Variants in CDH20 observed in about 807,000 individuals in gnomAD.
CDH20 encodes the protein cadherin 20.
CDH20 carries 29 observed loss-of-function variants against 74.2 expected under a neutral mutation model. The observed-to-expected ratio is 0.39, with a 90% CI of 0.29 to 0.53. CDH20 has a LOEUF of 0.53. Among genes scored for constraint, CDH20 ranks in the 20% least tolerant of loss-of-function variants. The probability of loss-of-function intolerance (pLI) is 0.69; values close to 1 mark genes in which losing one functional copy is unlikely to be tolerated. For missense variants in CDH20, 988 were observed against 1,048.3 expected (o/e 0.94, Z 0.79); for synonymous variants, 469 against 405.4 (o/e 1.16, Z -1.88).
chr18:61,540,445 G>T (rs1220102741), intron 9 of CDH20, among the ~76,000 whole-genome samples: 1 of 152,114 alleles, frequency 6.6e-6, no homozygotes, highest in East Asian at 1.9e-4. Flanking sequence ...CCACGTGGCT[G>T]GGGAGGCCTC....
chr18:61,422,658 T>C (rs1020985292), intron 1 of CDH20, among the ~76,000 whole-genome samples: 3 of 151,942 alleles, frequency 2.0e-5, no homozygotes, highest in Non-Finnish European at 2.9e-5. Flanking sequence ...AAGATTATCA[T>C]ACTGTGAGCT....
chr18:61,543,480 C>T (rs1349676133), intron 9 of CDH20, among the ~76,000 whole-genome samples: 2 of 152,162 alleles, frequency 1.3e-5, no homozygotes, highest in African/African-American at 2.4e-5. Context: ...CTGTTCCAGT[C>T]GTCTGTTTCA....
intron 1 of CDH20, among the ~76,000 whole-genome samples, chr18:61,341,355 T>A (rs1909942056): frequency 2.0e-5 from 3 of 152,102 alleles, no homozygotes; most frequent in South Asian, 2.1e-4. Context: ...GGGTCCCCCT[T>A]TTTTTAAGGG....
chr18:61,347,324 A>ATATATG (rs1910157421), intron 1 of CDH20, among the ~76,000 whole-genome samples: 2 of 51,978 alleles, frequency 3.8e-5, no homozygotes, highest in African/African-American at 1.6e-4. Context: ...ATATATACAC[A>ATATATG]CACACACACA....
intron 1 of CDH20, among the ~76,000 whole-genome samples, chr18:61,482,686 G>A (rs1286713660): frequency 1.3e-5 from 2 of 151,824 alleles, no homozygotes; most frequent in African/African-American, 4.8e-5. Flanking sequence ...ATAGAGACGG[G>A]GTCTTGCCCT....
intron 6 of CDH20, among the ~76,000 whole-genome samples, chr18:61,516,339 TCTGA>T (rs1912003558): frequency 1.3e-5 from 2 of 152,316 alleles, no homozygotes; most frequent in Non-Finnish European, 2.9e-5. Context: ...GGAATAAAAA[TCTGA>T]CTAAGTCATA....
At chr18:61,407,011 G>A (rs552771593) in intron 1 of CDH20, among the ~76,000 whole-genome samples, 7 of 152,258 alleles carry the variant, frequency 4.6e-5, no homozygotes, top group Admixed American at 2.0e-4. Context: ...TTACCATGTG[G>A]TACATACTTG....
intron 1 of CDH20, among the ~76,000 whole-genome samples, chr18:61,404,496 T>C (rs1912259548): frequency 6.6e-6 from 1 of 152,058 alleles, no homozygotes; most frequent in Non-Finnish European, 1.5e-5. Flanking sequence ...CATATAGAAA[T>C]CCAGAGTAGA....
In CDH20 at chr18:61,380,796, C is replaced by T. The variant is rs142009630; in HGVS notation, c.-153+46969C>T. 2.3e-3 allele frequency among the ~76,000 whole-genome samples: 346 copies of T among 151,814 alleles called. 4 individuals are homozygous for T. Among genetic ancestry groups the T allele is most frequent in the African/African-American group, 8.0e-3 (333 of 41,386 alleles). On this transcript the variant is annotated intron_variant, in intron 1 of 11. Transcript: ENST00000262717. Reference sequence around the variant, plus strand: ...TGCACTCCAGCCTGGACAACAAGAGCGACACTCCATCTCAAAACAAAACAA... The same window carrying T: ...TGCACTCCAGCCTGGACAACAAGAGTGACACTCCATCTCAAAACAAAACAA...
chr18:61,380,286 A>T (rs1202070560), intron 1 of CDH20, among the ~76,000 whole-genome samples: 1 of 152,192 alleles, frequency 6.6e-6, no homozygotes, highest in Non-Finnish European at 1.5e-5. Flanking sequence ...AACCATGGCA[A>T]TTTCCTGCAT....
At chr18:61,390,433 A>T (rs1490911151) in intron 1 of CDH20, among the ~76,000 whole-genome samples, 1 of 152,228 alleles carries the variant, frequency 6.6e-6, no homozygotes, top group Non-Finnish European at 1.5e-5. Flanking sequence ...ATGTAATTTA[A>T]GTCCTACCAA....
chr18:61,347,793 A>AG (rs1910181184), intron 1 of CDH20, among the ~76,000 whole-genome samples: 1 of 152,166 alleles, frequency 6.6e-6, no homozygotes, highest in Non-Finnish European at 1.5e-5. Flanking sequence ...TAAAACTAGG[A>AG]GGGGAAATGC....
At chr18:61,497,543 A>AGTAGAG (rs1911215870) in intron 2 of CDH20, among the ~76,000 whole-genome samples, 1 of 152,300 alleles carries the variant, frequency 6.6e-6, no homozygotes, top group Non-Finnish European at 1.5e-5. Context: ...GTCTGTAGGG[A>AGTAGAG]GTAGAGAAGA....
chr18:61,499,365 C>A lies in CDH20; in HGVS notation c.426C>A (p.Gly142=). ...LRAQALDRRT[G]RPMEPESEFI... is the part of the protein sequence containing the mutation. ...CTCAAGCCCTAGACAGGCGGACGGG[C>A]AGGCCAATGGAGCCCGAGTCAGAGT... Residue 142 remains glycine (G), a synonymous_variant, in exon 3 of 12, where the codon GGC becomes GGA. Transcript: ENST00000262717. 6.2e-7 allele frequency: 1 copy of A among 1,614,080 alleles called. No homozygotes were observed. Among genetic ancestry groups the A allele is most frequent in the Middle Eastern group, 1.7e-4 (1 of 6,052 alleles).
chr18:61,523,546 T>G (rs565891979), intron 6 of CDH20, among the ~76,000 whole-genome samples: 1 of 152,308 alleles, frequency 6.6e-6, no homozygotes, highest in Non-Finnish European at 1.5e-5. Flanking sequence ...AAATACCATA[T>G]GACCCAGCAA....
intron 1 of CDH20, among the ~76,000 whole-genome samples, chr18:61,360,496 T>A (rs1022985667): frequency 6.6e-6 from 1 of 152,026 alleles, no homozygotes; most frequent in Non-Finnish European, 1.5e-5. Context: ...CACCCCATGT[T>A]AAGTGTGTAA....
Position 61,466,318 on chromosome 18 carries a change from TACAA to T in CDH20, c.-152-24080_-152-24077del, listed in dbSNP as rs1909960620. Among the ~76,000 whole-genome samples, 3 of 152,302 alleles carry T rather than the reference TACAA, an allele frequency of 2.0e-5. No homozygotes were observed. The South Asian group carries it at 6.2e-4, about 32-fold the overall frequency. On this transcript the variant is annotated intron_variant, in intron 1 of 11. Coordinates refer to ENST00000262717, the MANE Select transcript of CDH20 (RefSeq NM_031891.4). ...CATTTACAATAGAAACTTACTATTT[TACAA>T]ACATTTACAATAACTTACAACATTT...
At chr18:61,346,609 C>T (rs751423332) in intron 1 of CDH20, among the ~76,000 whole-genome samples, 26 of 152,034 alleles carry the variant, frequency 1.7e-4, no homozygotes, top group Admixed American at 1.1e-3. Context: ...GTTTGACACA[C>T]GTTTCTCTTT....
chr18:61,344,857 T>C (rs1910065016), intron 1 of CDH20, among the ~76,000 whole-genome samples: 1 of 152,216 alleles, frequency 6.6e-6, no homozygotes, highest in African/African-American at 2.4e-5. Flanking sequence ...GGGTTTTTTT[T>C]AAAGATAATT....
Sources: allele counts gnomAD v4.1 joint callset (sites outside exome capture counted in the v4.1 genomes callset), GRCh38; gene constraint gnomAD v4.1.1; transcripts MANE v1.5; gene names NCBI Gene and HGNC (gene_info 2026-07-23, HGNC 2026-07-21).